The following SOX6 variants were observed in gnomAD, a reference collection of about 807,000 sequenced individuals.
The protein encoded by SOX6 is SRY-box transcription factor 6, also known as transcription factor SOX-6.
In SOX6, 11 loss-of-function variants were observed where a neutral mutation model predicts 97.8. The ratio of observed to expected loss-of-function variants is 0.11; its 90% CI spans 0.07 to 0.19. The LOEUF (loss-of-function observed/expected upper bound fraction) is 0.19, where lower values mean the gene tolerates loss of function less well. Ranked by LOEUF, SOX6 falls within the 10% of genes least tolerant of loss-of-function variation. SOX6 has a pLI of 1.00. For synonymous variants in SOX6, 360 were observed against 371.4 expected (o/e 0.97, Z 0.35); for missense variants, 810 against 1,039.5 (o/e 0.78, Z 3.04).
chr11:16,278,746 C>G (rs1003134902), intron 3 of SOX6, among the ~76,000 whole-genome samples: 4 of 151,972 alleles, frequency 2.6e-5, no homozygotes, highest in African/African-American at 9.7e-5. Context: ...GTCACTTTAA[C>G]AGTAAGGACT....
intron 9 of SOX6, among the ~76,000 whole-genome samples, chr11:16,083,045 C>G (rs1040659515): frequency 3.9e-5 from 6 of 152,112 alleles, no homozygotes; most frequent in African/African-American, 1.4e-4. Context: ...GCATCCTTCC[C>G]CATAAACCTG....
At chr11:15,996,918 T>C (rs544271836) in intron 13 of SOX6, among the ~76,000 whole-genome samples, 2 of 152,138 alleles carry the variant, frequency 1.3e-5, no homozygotes, top group East Asian at 1.9e-4. Context: ...AAAACAGATA[T>C]AATAAAGACA....
chr11:16,709,021 C>T (rs1564874087), intron 3 of SOX6, among the ~76,000 whole-genome samples: 1 of 152,110 alleles, frequency 6.6e-6, no homozygotes, highest in Non-Finnish European at 1.5e-5. Context: ...ATTGCCAATA[C>T]AGAATGAAGA....
At position 16,611,235 on chromosome 11, in the gene SOX6, G is replaced by C. The variant is rs145162118; in HGVS notation, n.609+846C>G. On this transcript the variant is annotated intron_variant and non_coding_transcript_variant, in intron 4 of 5. Transcript: ENST00000524520. ...AAGGACAAGGCAATTAATTCTGCTC[G>C]AGAAGTTAGTATTTAAAACACCCAC... is the stretch of plus-strand genomic sequence containing the variant. 5.9e-3 allele frequency among the ~76,000 whole-genome samples: 900 copies of C among 152,316 alleles called. 2 individuals carry two copies. Among genetic ancestry groups the C allele is most frequent in the Non-Finnish European group, 9.6e-3 (655 of 68,016 alleles).
intron 7 of SOX6, among the ~76,000 whole-genome samples, chr11:16,102,909 A>C (rs1848984659): frequency 6.6e-6 from 1 of 152,114 alleles, no homozygotes. Flanking sequence ...TAAGACCTGA[A>C]ACCATAAAGA....
At chr11:16,066,932 T>C (rs1848107460) in intron 9 of SOX6, among the ~76,000 whole-genome samples, 1 of 152,158 alleles carries the variant, frequency 6.6e-6, no homozygotes, top group African/African-American at 2.4e-5. Context: ...GAAGATCATT[T>C]TGAAGCTTTA....
At chr11:16,149,305 C>T (rs1356922709) in intron 6 of SOX6, among the ~76,000 whole-genome samples, 1 of 151,994 alleles carries the variant, frequency 6.6e-6, no homozygotes, top group African/African-American at 2.4e-5. Context: ...CTTTGACGGC[C>T]TACTGTAGGC....
intron 2 of SOX6, among the ~76,000 whole-genome samples, chr11:16,329,681 T>A (rs297348): frequency 0.87 from 131,972 of 152,174 alleles, 57,684 homozygotes; most frequent in Non-Finnish European, 0.92. Flanking sequence ...AATTAAATGA[T>A]TTAATAAAAA....
chr11:16,656,757 C>G (rs181701877), intron 3 of SOX6, among the ~76,000 whole-genome samples: 1 of 151,886 alleles, frequency 6.6e-6, no homozygotes, highest in Non-Finnish European at 1.5e-5. Flanking sequence ...TGTATTGTTA[C>G]AAAACTATGA....
At chr11:16,696,768 T>C (rs961316753) in intron 3 of SOX6, among the ~76,000 whole-genome samples, 2 of 152,164 alleles carry the variant, frequency 1.3e-5, no homozygotes, top group Admixed American at 6.6e-5. Context: ...TGGGTGATAG[T>C]TGCTGAAGGC....
chr11:16,426,155 C>T (rs969053909), intron 1 of SOX6, among the ~76,000 whole-genome samples: 1 of 147,460 alleles, frequency 6.8e-6, no homozygotes, highest in African/African-American at 2.5e-5. Context: ...GCTCGGGAGG[C>T]TGAGGCAGGA....
At chr11:16,400,282 C>T (rs1381210568) in intron 1 of SOX6, among the ~76,000 whole-genome samples, 2 of 151,336 alleles carry the variant, frequency 1.3e-5, no homozygotes, top group African/African-American at 4.8e-5. Context: ...TTAGAGAGAA[C>T]AGGAATGTTT....
intron 9 of SOX6, among the ~76,000 whole-genome samples, chr11:16,058,136 T>C (rs78053195): frequency 0.05 from 7,588 of 152,104 alleles, 624 homozygotes; most frequent in African/African-American, 0.17. Context: ...TTTTTTCTTT[T>C]TATTTGCTAA....
intron 3 of SOX6, among the ~76,000 whole-genome samples, chr11:16,708,408 G>GT (rs1284860185): frequency 6.6e-6 from 1 of 152,166 alleles, no homozygotes; most frequent in African/African-American, 2.4e-5. Flanking sequence ...CCACAAGGTA[G>GT]TTTGATAGTT....
intron 4 of SOX6, among the ~76,000 whole-genome samples, chr11:16,535,683 AC>A (rs1175667823): frequency 6.6e-6 from 1 of 152,234 alleles, no homozygotes. Context: ...ACAAAAAAAA[AC>A]AAAAACAAAC....
chr11:16,183,137 T>A (rs2134100861), intron 6 of SOX6, among the ~76,000 whole-genome samples: 1 of 151,990 alleles, frequency 6.6e-6, no homozygotes, highest in Middle Eastern at 3.4e-3. Context: ...CACACACCTA[T>A]ATTTCTATTT....
chr11:16,070,437 T>C (rs1013230116), intron 9 of SOX6, among the ~76,000 whole-genome samples: 6 of 152,300 alleles, frequency 3.9e-5, no homozygotes, highest in African/African-American at 1.4e-4. Context: ...AAAAGTAAGC[T>C]GGAATTCATT....
At chr11:16,456,176 T>C (rs1948824) in intron 1 of SOX6, among the ~76,000 whole-genome samples, 119,149 of 152,036 alleles carry the variant, frequency 0.78, 46,898 homozygotes, top group Middle Eastern at 0.85. Flanking sequence ...AAAATATATA[T>C]ATTAAAATTC....
At position 16,125,277 on chromosome 11, in the gene SOX6, G is replaced by A. The variant is rs553530929; in HGVS notation, c.778-13354C>T. 2.0e-5 allele frequency among the ~76,000 whole-genome samples: 3 copies of A among 152,008 alleles called. No individual in the cohort carries two copies. In the South Asian group the frequency reaches 6.2e-4, roughly 32 times the overall value. ...AATAACATTTCAATGAAATTTCAATGAAATTTTAGGCATCAGAGCAGCTTA... is the reference window on the plus strand; with the variant it reads ...AATAACATTTCAATGAAATTTCAATAAAATTTTAGGCATCAGAGCAGCTTA... On this transcript the variant is annotated intron_variant, in intron 6 of 15. Coordinates refer to ENST00000683767, the MANE Select transcript of SOX6 (RefSeq NM_001367873.1).
Sources: allele counts gnomAD v4.1 joint callset (sites outside exome capture counted in the v4.1 genomes callset), GRCh38; gene constraint gnomAD v4.1.1; transcripts MANE v1.5; gene names NCBI Gene and HGNC (gene_info 2026-07-23, HGNC 2026-07-21).